NCOA1: variants seen among roughly 807,000 people sequenced by gnomAD.
The protein encoded by NCOA1 is Hin-2 protein.
In NCOA1, 35 loss-of-function variants were observed where a neutral mutation model predicts 150.9. The observed-to-expected ratio is 0.23, with a 90% CI of 0.18 to 0.31. The LOEUF (loss-of-function observed/expected upper bound fraction) is 0.31. Ranked by LOEUF, NCOA1 falls within the 10% of genes least tolerant of loss-of-function variation. The probability of loss-of-function intolerance (pLI) is 1.00; values close to 1 mark genes in which losing one functional copy is unlikely to be tolerated. For missense variants in NCOA1, 1,491 were observed against 1,749.3 expected, an observed-to-expected ratio of 0.85 and a Z score of 2.63; for synonymous variants, 590 against 630.0, an observed-to-expected ratio of 0.94 and a Z score of 0.95.
intron 3 of NCOA1, among the ~76,000 whole-genome samples, chr2:24,620,465 G>A (rs1022863788): frequency 3.3e-5 from 5 of 152,126 alleles, no homozygotes; most frequent in Admixed American, 2.6e-4. Context: ...TTAGCCGGGT[G>A]TGGTGGTGCA....
At chr2:24,514,315 A>G (rs71439135) in intron 1 of NCOA1, among the ~76,000 whole-genome samples, 2 of 150,800 alleles carry the variant, frequency 1.3e-5, no homozygotes, top group Non-Finnish European at 3.0e-5. Context: ...AAGGAAAAAA[A>G]CAAAAAGAAA....
In NCOA1 at chr2:24,533,288, A is replaced by C. The variant is rs994772302; in HGVS notation, c.-395-31007A>C. ...ATATAGGAATGCTCATGATTTTTGC[A>C]CATTGATTTTGTATCCTGAGACTGC... On this transcript the variant is annotated intron_variant, in intron 1 of 22. Transcript: ENST00000348332. 4.6e-5 allele frequency among the ~76,000 whole-genome samples: 7 copies of C among 152,252 alleles called. No homozygotes were observed. The East Asian group carries it at 1.3e-3, about 29-fold the overall frequency.
intron 6 of NCOA1, among the ~76,000 whole-genome samples, chr2:24,668,675 A>G (rs2148511312): frequency 6.6e-6 from 1 of 152,294 alleles, no homozygotes; most frequent in Non-Finnish European, 1.5e-5. Context: ...AATCCAGGGA[A>G]ACCATGGAAT....
At chr2:24,708,549 C>T (rs1164681086) in intron 13 of NCOA1, among the ~76,000 whole-genome samples, 2 of 151,984 alleles carry the variant, frequency 1.3e-5, no homozygotes, top group Non-Finnish European at 2.9e-5. Flanking sequence ...AAACAGGTAT[C>T]TTCATTTATT....
chr2:24,726,650 T>A lies in NCOA1; in HGVS notation c.2661T>A (p.Asp887Glu), dbSNP rs1674638862. 6.2e-7 allele frequency: 1 copy of A among 1,611,342 alleles called. No homozygotes were observed. The highest frequency in any genetic ancestry group is 1.7e-5 in the Admixed American group (1 of 59,604). The change falls in exon 15 of 23, where the codon GAT becomes GAA. Residue 887 changes from aspartate to glutamate, a missense_variant. Transcript: ENST00000348332. ...DNQFGQPGTG[D>E]QIPWTNNTVT... The stretch of plus-strand genomic sequence containing the variant: ...AATTTGGACAACCAGGAACAGGCGA[T>A]CAGATTCCATGGACAAATAATACAG...
rs902894983 is a variant in NCOA1, at chr2:24,728,620, GT to G, written c.2886+154del. On this transcript the variant is annotated intron_variant, in intron 16 of 22. Transcript: ENST00000348332. ...TTGTGAAACTTATCAAAATATATGA[GT>G]TTTTTTTTTAAGAAAAAGTATTACA... The G allele has an allele frequency of 1.5e-3, 794 of 537,440 alleles. 1 individual carries two copies. The highest frequency in any genetic ancestry group is 2.8e-3 in the African/African-American group (142 of 49,886). The allele number at this position is 537,440 out of a possible 1,614,324, so 33.3% of individuals were successfully genotyped here.
intron 4 of NCOA1, among the ~76,000 whole-genome samples, chr2:24,647,072 G>A (rs968938707): frequency 6.6e-6 from 1 of 152,076 alleles, no homozygotes; most frequent in Non-Finnish European, 1.5e-5. Flanking sequence ...TTTGGACTAA[G>A]GATAGAAAAG....
At chr2:24,645,464 C>T (rs1475423571) in intron 4 of NCOA1, among the ~76,000 whole-genome samples, 2 of 144,928 alleles carry the variant, frequency 1.4e-5, no homozygotes, top group Admixed American at 1.4e-4. Context: ...GAGCAGAGAT[C>T]GAGCCACTGC....
At chr2:24,611,381 A>C (rs139952643) in intron 3 of NCOA1, among the ~76,000 whole-genome samples, 3 of 152,270 alleles carry the variant, frequency 2.0e-5, no homozygotes, top group African/African-American at 7.2e-5. Flanking sequence ...TGTTTTTGCT[A>C]TTGTAAAGAG....
At chr2:24,629,827 T>TATATATAC (rs1379377205) in intron 3 of NCOA1, among the ~76,000 whole-genome samples, 3 of 135,338 alleles carry the variant, frequency 2.2e-5, no homozygotes, top group Non-Finnish European at 4.6e-5. Flanking sequence ...CATATATATA[T>TATATATAC]ATATATATAT....
At chr2:24,726,154 G>A (rs1010445066) in intron 14 of NCOA1, among the ~76,000 whole-genome samples, 1 of 152,066 alleles carries the variant, frequency 6.6e-6, no homozygotes, top group Non-Finnish European at 1.5e-5. Context: ...CATGGCCTCA[G>A]ATTCTAGTTT....
chr2:24,538,339 C>G (rs765400272), intron 1 of NCOA1, among the ~76,000 whole-genome samples: 1 of 152,118 alleles, frequency 6.6e-6, no homozygotes, highest in Non-Finnish European at 1.5e-5. Flanking sequence ...CTTTTATTTT[C>G]GAGTAATTTT....
intron 19 of NCOA1, among the ~76,000 whole-genome samples, chr2:24,749,103 A>T (rs936281884): frequency 6.6e-6 from 1 of 152,252 alleles, no homozygotes; most frequent in African/African-American, 2.4e-5. Flanking sequence ...ACACTTTTAA[A>T]TTCTAATGGA....
At chr2:24,638,817 C>T (rs1670055621) in intron 3 of NCOA1, among the ~76,000 whole-genome samples, 1 of 152,072 alleles carries the variant, frequency 6.6e-6, no homozygotes, top group South Asian at 2.1e-4. Flanking sequence ...AATGCCTGTT[C>T]AGATTATTTG....
chr2:24,560,394 C>G (rs1030370299), intron 1 of NCOA1, among the ~76,000 whole-genome samples: 1 of 152,098 alleles, frequency 6.6e-6, no homozygotes, highest in Admixed American at 6.6e-5. Flanking sequence ...GTGACCTCCA[C>G]TCTTTGTTAG....
intron 1 of NCOA1, among the ~76,000 whole-genome samples, chr2:24,562,684 T>C (rs908794319): frequency 9.9e-5 from 15 of 152,160 alleles, no homozygotes; most frequent in African/African-American, 2.9e-4. Context: ...TCAATTCACA[T>C]GGTTGTGTGA....
intron 3 of NCOA1, among the ~76,000 whole-genome samples, chr2:24,616,265 T>A (rs1668867896): frequency 6.6e-6 from 1 of 152,180 alleles, no homozygotes. Context: ...CCTACCATCC[T>A]TTTTCACAGA....
intron 7 of NCOA1, among the ~76,000 whole-genome samples, chr2:24,677,847 G>GT (rs890603871): frequency 3.9e-5 from 6 of 152,170 alleles, no homozygotes; most frequent in African/African-American, 1.4e-4. Context: ...AAGAGAAAGA[G>GT]TGAGAGAATG....
intron 3 of NCOA1, among the ~76,000 whole-genome samples, chr2:24,595,425 A>G (rs1572465012): frequency 1.3e-5 from 2 of 152,274 alleles, no homozygotes; most frequent in East Asian, 3.9e-4. Context: ...TTCTTTTGAG[A>G]TGAAATATCT....
Sources: allele counts gnomAD v4.1 joint callset (sites outside exome capture counted in the v4.1 genomes callset), GRCh38; gene constraint gnomAD v4.1.1; transcripts MANE v1.5; gene names NCBI Gene and HGNC (gene_info 2026-07-23, HGNC 2026-07-21).